The following ANKEF1 variants were observed in gnomAD, a reference collection of about 807,000 sequenced individuals.
The protein encoded by ANKEF1 is ankyrin repeat and EF-hand domain-containing protein 1.
A neutral mutation model predicts 65.1 loss-of-function variants in ANKEF1; 43 were observed. The observed-to-expected ratio is 0.66, with a 90% CI of 0.52 to 0.85. The LOEUF is 0.85. ANKEF1 is among the 40% of genes least tolerant of loss of function. The pLI, the probability that ANKEF1 is intolerant of heterozygous loss-of-function variation, is 0.00. For missense variants in ANKEF1, 934 were observed against 952.9 expected (o/e 0.98, Z 0.26); for synonymous variants, 316 against 341.5 (o/e 0.93, Z 0.82).
rs1984307786 is a variant in ANKEF1, at chr20:10,043,321, A to T, written c.546A>T (p.Ser182=). 1 of 1,613,096 alleles carries T rather than the reference A, an allele frequency of 6.2e-7. No individual in the cohort carries two copies. Among genetic ancestry groups the T allele is most frequent in the Admixed American group, 1.7e-5 (1 of 60,004 alleles). The change falls in exon 4 of 11, where the codon TCA becomes TCT. Residue 182 remains serine, a splice_region_variant and synonymous_variant. Coordinates refer to ENST00000378392, the MANE Select transcript of ANKEF1 (RefSeq NM_022096.6). Reference sequence around the variant, plus strand: ...GAGCCAATCCTAATGCAATCAACTCAGTATGGCTATTCTTGTGATTACAAA... The same window carrying T: ...GAGCCAATCCTAATGCAATCAACTCTGTATGGCTATTCTTGTGATTACAAA... ...EKGANPNAIN[S]STGRTALMEA... is the part of the protein sequence containing the mutation.
chr20:10,042,285 C>A (rs1984237802), intron 3 of ANKEF1, among the ~76,000 whole-genome samples: 1 of 151,908 alleles, frequency 6.6e-6, no homozygotes, highest in African/African-American at 2.4e-5. Flanking sequence ...TAGTATGTAT[C>A]CTTTTTGCGT....
intron 7 of ANKEF1, among the ~76,000 whole-genome samples, chr20:10,050,417 G>A (rs1984791906): frequency 6.6e-6 from 1 of 152,134 alleles, no homozygotes. Context: ...TATTAAAAAT[G>A]CTGATTTATT....
At chr20:10,051,534 A>C in intron 7 of ANKEF1, 129 bp from the exon 8 acceptor site, 2 of 698,702 alleles carry the variant, frequency 2.9e-6, no homozygotes, top group Non-Finnish European at 4.7e-6. Context: ...AGAGGTTTGA[A>C]GAAAAATTAT....
chr20:10,052,963 A>C (rs138361024), intron 8 of ANKEF1, 149 bp from the exon 9 acceptor site: 1 of 596,986 alleles, frequency 1.7e-6, no homozygotes, highest in East Asian at 3.1e-5. Flanking sequence ...AATCTGATCT[A>C]GCTCTGTGAA....
chr20:10,050,025 A>C lies in ANKEF1; in HGVS notation c.1456A>C (p.Ile486Leu). The C allele has an allele frequency of 6.2e-7, 1 of 1,614,126 alleles. No individual in the cohort carries two copies. The change falls in exon 7 of 11, where the codon ATT (isoleucine) becomes CTT (leucine). Residue 486 changes from isoleucine to leucine, a missense_variant. Physicochemically the swap from Ile to Leu is conservative, Grantham distance 5. Transcript: ENST00000378392. ...HPIQDDSVWY[I>L]DDSEKVFSNI... Reference sequence around the variant, plus strand: ...CATTCAGGATGACTCTGTTTGGTACATTGATGATTCAGAGAAGGTATTTTC... The same window carrying C: ...CATTCAGGATGACTCTGTTTGGTACCTTGATGATTCAGAGAAGGTATTTTC...
At chr20:10,039,671 G>A (rs1984058848) in intron 3 of ANKEF1, among the ~76,000 whole-genome samples, 1 of 152,206 alleles carries the variant, frequency 6.6e-6, no homozygotes, top group Non-Finnish European at 1.5e-5. Context: ...AAGCTCTATA[G>A]TATACCATTT....
rs1414813171 is a variant in ANKEF1 at position 10,035,191 on chromosome 20, C to T, written c.-251C>T. ...ATCATTCACGCCTGGGCGCCTCCGC[C>T]GGGCTCCGGGAGCCCAAGGTCGCGG... is the stretch of plus-strand genomic sequence containing the variant. On this transcript the variant is annotated 5_prime_UTR_variant, in exon 1 of 11. Coordinates refer to ENST00000378392, the MANE Select transcript of ANKEF1 (RefSeq NM_022096.6). 6.6e-6 allele frequency: 1 copy of T among 152,416 alleles called. No homozygotes were observed. The highest frequency in any genetic ancestry group is 2.4e-5 in the African/African-American group (1 of 41,466). The allele number at this position is 152,416 out of a possible 1,614,324, so 9.4% of individuals were successfully genotyped here. A position where few individuals can be genotyped will look rare whatever the true frequency, so the allele number is the denominator to read the frequency against.
At position 10,043,105 on chromosome 20, in the gene ANKEF1, A is replaced by AT; in HGVS notation, c.347-13dup. The AT allele has an allele frequency of 6.2e-7, 1 of 1,611,674 alleles. No individual in the cohort carries two copies. Among genetic ancestry groups the AT allele is most frequent in the Non-Finnish European group, 8.5e-7 (1 of 1,178,530 alleles). The stretch of plus-strand genomic sequence containing the variant: ...TATAGATGTTAAATACTCTCTGGGG[A>AT]TTTTATTTCTCTGCAGGTGTTTTGT... On this transcript the variant is annotated splice_polypyrimidine_tract_variant and intron_variant, in intron 3 of 10. Transcript: ENST00000378392.
intron 6 of ANKEF1, among the ~76,000 whole-genome samples, chr20:10,048,253 A>G (rs1406296493): frequency 6.8e-6 from 1 of 148,116 alleles, no homozygotes; most frequent in Admixed American, 6.9e-5. Flanking sequence ...GTGTAGTAAA[A>G]TAGATTTATT....
Position 10,051,644 on chromosome 20 carries a change from C to CA in ANKEF1, c.1644-18dup. 1 of 1,575,282 alleles carries CA rather than the reference C, an allele frequency of 6.3e-7. No homozygotes were observed. Among genetic ancestry groups the CA allele is most frequent in the Non-Finnish European group, 8.7e-7 (1 of 1,149,272 alleles). ...TGGAAAACCGTATTTTTAGTTTGTT[C>CA]ATCTATCTTATTTTACAGAGCTAAC... On this transcript the variant is annotated intron_variant, in intron 7 of 10. Transcript: ENST00000378392.
chr20:10,050,035 C>T lies in ANKEF1; in HGVS notation c.1466C>T (p.Ser489Leu). Residue 489 changes from serine to leucine, a missense_variant, in exon 7 of 11, where the codon TCA (serine) becomes TTA (leucine). By Grantham distance (145) the Ser-to-Leu change is moderately radical. Transcript: ENST00000378392. ...QDDSVWYIDD[S>L]EKVFSNINII... ...GACTCTGTTTGGTACATTGATGATT[C>T]AGAGAAGGTATTTTCAAACATTAAT... The T allele has an allele frequency of 1.9e-6, 3 of 1,614,090 alleles. No individual in the cohort carries two copies. The highest frequency in any genetic ancestry group is 2.5e-6 in the Non-Finnish European group (3 of 1,180,016).
Position 10,050,135 on chromosome 20 carries a change from T to A in ANKEF1, c.1566T>A (p.Asp522Glu). 1 of 1,614,166 alleles carries A rather than the reference T, an allele frequency of 6.2e-7. No individual in the cohort carries two copies. The change falls in exon 7 of 11, where the codon GAT becomes GAA. Residue 522 changes from aspartate (D) to glutamate (E), a missense_variant. By Grantham distance (45) the Asp-to-Glu change is conservative. Transcript: ENST00000378392. ...FESGIPVDMKDNYYKTPLMTA... is the reference protein window; with the variant it reads ...FESGIPVDMKENYYKTPLMTA... ...CAGGAATACCTGTGGATATGAAGGA[T>A]AATTATTACAAAACTCCGCTAATGA...
At chr20:10,038,677 T>C in intron 3 of ANKEF1, 30 bp downstream of exon 3, 1 of 1,491,130 alleles carries the variant, frequency 6.7e-7, no homozygotes, top group Non-Finnish European at 9.1e-7. Context: ...CTCCAGCAGA[T>C]TGCAATTCAT....
At chr20:10,040,755 A>C (rs1179597396) in intron 3 of ANKEF1, 1 of 152,156 alleles carries the variant, frequency 6.6e-6, no homozygotes. Flanking sequence ...GCCCAGATAC[A>C]CTTTAACTGT....
chr20:10,046,095 AC>A (rs1314282302), intron 6 of ANKEF1, among the ~76,000 whole-genome samples: 1 of 151,932 alleles, frequency 6.6e-6, no homozygotes, highest in Non-Finnish European at 1.5e-5. Flanking sequence ...ACAAGGCAAA[AC>A]CGCGCCTCTA....
chr20:10,056,500 A>AGATAGATAGATAGAT lies in ANKEF1; in HGVS notation c.*841_*855dup, dbSNP rs1985171045. ...GATGATAGATAGATAGATAGATGATAGATAGATAGATAGATAGATAGATAG... is the reference window on the plus strand; with the variant it reads ...GATGATAGATAGATAGATAGATGATAGATAGATAGATAGATGATAGATAGATAGATAGATAGATAG... On this transcript the variant is annotated 3_prime_UTR_variant, in exon 11 of 11. Coordinates refer to ENST00000378392, the MANE Select transcript of ANKEF1 (RefSeq NM_022096.6). The AGATAGATAGATAGAT allele has an allele frequency of 8.9e-6, 1 of 111,836 alleles. No individual in the cohort carries two copies. The highest frequency in any genetic ancestry group is 3.8e-5 in the African/African-American group (1 of 26,086). 6.9% of individuals were successfully genotyped at this position (111,836 alleles called of 1,614,324 possible).
chr20:10,048,438 A>T (rs1357654814), intron 6 of ANKEF1, among the ~76,000 whole-genome samples: 1 of 152,142 alleles, frequency 6.6e-6, no homozygotes, highest in Non-Finnish European at 1.5e-5. Flanking sequence ...TCTTTTAGCT[A>T]TTTAAAAACA....
At position 10,055,788 on chromosome 20, in the gene ANKEF1, G is replaced by T. The variant is rs1985117657; in HGVS notation, c.*128G>T. ...AACTTGTTACCAAGAATTTCTTTTTGCTTTAACAACTATAAATATTCTTAG... is the reference window on the plus strand; with the variant it reads ...AACTTGTTACCAAGAATTTCTTTTTTCTTTAACAACTATAAATATTCTTAG... On this transcript the variant is annotated 3_prime_UTR_variant, in exon 11 of 11. Transcript: ENST00000378392. 2.3e-6 allele frequency: 2 copies of T among 874,758 alleles called. No homozygotes were observed. Among genetic ancestry groups the T allele is most frequent in the African/African-American group, 1.7e-5 (1 of 59,434 alleles). The allele number at this position is 874,758 out of a possible 1,614,324, so 54.2% of individuals were successfully genotyped here. A position where few individuals can be genotyped will look rare whatever the true frequency, so the allele number is the denominator to read the frequency against.
At chr20:10,037,192 G>A (rs563169131) in intron 2 of ANKEF1, among the ~76,000 whole-genome samples, 1 of 152,232 alleles carries the variant, frequency 6.6e-6, no homozygotes, top group East Asian at 1.9e-4. Context: ...ACCAAAATAA[G>A]GTGACGGGGG....
Sources: allele counts gnomAD v4.1 joint callset (sites outside exome capture counted in the v4.1 genomes callset), GRCh38; gene constraint gnomAD v4.1.1; transcripts MANE v1.5; gene names NCBI Gene and HGNC (gene_info 2026-07-23, HGNC 2026-07-21).